The following FBXL17 variants were observed in gnomAD, a reference collection of about 807,000 sequenced individuals.
The protein encoded by FBXL17 is F-box and leucine rich repeat protein 17.
FBXL17 carries 22 observed loss-of-function variants against 66.2 expected under a neutral mutation model. The observed-to-expected ratio is 0.33, with a 90% CI of 0.24 to 0.47. The LOEUF is 0.47. Ranked by LOEUF, FBXL17 falls within the 20% of genes least tolerant of loss-of-function variation. FBXL17 has a pLI of 1.00. For synonymous variants in FBXL17, 474 were observed against 400.5 expected (o/e 1.18, Z -2.19); for missense variants, 878 against 948.2 (o/e 0.93, Z 0.97).
chr5:108,247,759 A>G (rs937294029), intron 4 of FBXL17, among the ~76,000 whole-genome samples: 2 of 152,124 alleles, frequency 1.3e-5, no homozygotes, highest in African/African-American at 4.8e-5. Context: ...CAGGGCTTTT[A>G]GTGGTTTACA....
intron 6 of FBXL17, among the ~76,000 whole-genome samples, chr5:108,032,158 A>G (rs909706184): frequency 1.3e-5 from 2 of 152,200 alleles, no homozygotes; most frequent in Admixed American, 6.6e-5. Flanking sequence ...CCTAAGGTAC[A>G]TTTCTCAGAA....
intron 6 of FBXL17, among the ~76,000 whole-genome samples, chr5:108,099,648 T>G (rs1561409263): frequency 6.6e-6 from 1 of 152,164 alleles, no homozygotes; most frequent in Non-Finnish European, 1.5e-5. Flanking sequence ...TGAATGATAC[T>G]TTCCTTCTGG....
intron 6 of FBXL17, among the ~76,000 whole-genome samples, chr5:108,032,989 C>T (rs181088918): frequency 1.5e-3 from 226 of 152,210 alleles, no homozygotes; most frequent in Middle Eastern, 0.01. Flanking sequence ...ACTTAGAGAA[C>T]GCTACCATAT....
intron 6 of FBXL17, among the ~76,000 whole-genome samples, chr5:108,063,991 G>GT (rs1428589104): frequency 6.6e-6 from 1 of 151,972 alleles, no homozygotes; most frequent in East Asian, 1.9e-4. Flanking sequence ...GCTTTTTATA[G>GT]TTTTAATTAT....
chr5:108,274,804 A>C (rs995526017), intron 4 of FBXL17, among the ~76,000 whole-genome samples: 1 of 152,200 alleles, frequency 6.6e-6, no homozygotes, highest in East Asian at 1.9e-4. Flanking sequence ...TGGTCCCTCC[A>C]TTTGGGGTCC....
In FBXL17 at chr5:108,008,583, T is replaced by C. The variant is rs181340981; in HGVS notation, c.1822+12342A>G. 1.3e-4 allele frequency among the ~76,000 whole-genome samples: 20 copies of C among 152,346 alleles called. No individual in the cohort carries two copies. The East Asian group carries it at 3.9e-3, about 29-fold the overall frequency. ...CATATATAGGTATGCTACTATAATA[T>C]AAATGTGTGTAATAATATGTATTAT... On this transcript the variant is annotated intron_variant, in intron 7 of 8. Coordinates refer to ENST00000542267, the MANE Select transcript of FBXL17 (RefSeq NM_001163315.3).
intron 3 of FBXL17, among the ~76,000 whole-genome samples, chr5:108,360,699 T>C (rs937914318): frequency 1.3e-5 from 2 of 152,100 alleles, no homozygotes; most frequent in Non-Finnish European, 2.9e-5. Flanking sequence ...CTCCTTTCCT[T>C]CTGGAATTAG....
chr5:107,881,650 G>C (rs746559313), intron 7 of FBXL17, among the ~76,000 whole-genome samples: 24 of 152,102 alleles, frequency 1.6e-4, no homozygotes, highest in Non-Finnish European at 2.9e-4. Flanking sequence ...ATCTGTTCAT[G>C]ACCTGTAAAA....
At chr5:107,936,636 G>A (rs1011698309) in intron 7 of FBXL17, among the ~76,000 whole-genome samples, 1 of 152,108 alleles carries the variant, frequency 6.6e-6, no homozygotes, top group Non-Finnish European at 1.5e-5. Flanking sequence ...GTGAAGACTG[G>A]AGATGTGCTA....
chr5:107,911,191 A>G (rs1252576089), intron 7 of FBXL17, among the ~76,000 whole-genome samples: 1 of 152,130 alleles, frequency 6.6e-6, no homozygotes, highest in East Asian at 1.9e-4. Flanking sequence ...TGATGTCAAA[A>G]TAGACAACTA....
chr5:107,927,591 CATA>C (rs1222257976), intron 7 of FBXL17, among the ~76,000 whole-genome samples: 3 of 152,048 alleles, frequency 2.0e-5, no homozygotes, highest in African/African-American at 7.2e-5. Context: ...ACTATGAACA[CATA>C]ATGATTCTCT....
chr5:108,188,015 G>A (rs1323660183), intron 5 of FBXL17, among the ~76,000 whole-genome samples: 1 of 152,052 alleles, frequency 6.6e-6, no homozygotes, highest in Non-Finnish European at 1.5e-5. Context: ...GTGTGACAGG[G>A]GACCTGAACT....
At chr5:108,276,977 TCA>T (rs1188065781) in intron 4 of FBXL17, among the ~76,000 whole-genome samples, 1 of 152,088 alleles carries the variant, frequency 6.6e-6, no homozygotes, top group Non-Finnish European at 1.5e-5. Flanking sequence ...AGATTGTACT[TCA>T]GACATCTTTA....
chr5:108,298,013 C>G (rs1190322096), intron 4 of FBXL17: 2 of 984,484 alleles, frequency 2.0e-6, no homozygotes, highest in Non-Finnish European at 2.4e-6. Flanking sequence ...CTACAGTCAC[C>G]AAAAGCAATG....
Position 108,381,850 on chromosome 5 carries a change from G to T in FBXL17, c.-159C>A. On this transcript the variant is annotated 5_prime_UTR_variant, in exon 1 of 9. Coordinates refer to ENST00000542267, the MANE Select transcript of FBXL17 (RefSeq NM_001163315.3). ...CACGGGCACACACGCGACGGTGGGG[G>T]GTGGGCGTCAGCTGCGGGCCGCCGG... 7.7e-7 allele frequency: 1 copy of T among 1,297,352 alleles called. No homozygotes were observed. The highest frequency in any genetic ancestry group is 9.8e-7 in the Non-Finnish European group (1 of 1,023,326). The allele number at this position is 1,297,352 out of a possible 1,614,324, so 80.4% of individuals were successfully genotyped here.
At chr5:108,061,753 T>A (rs1013601989) in intron 6 of FBXL17, among the ~76,000 whole-genome samples, 2 of 152,106 alleles carry the variant, frequency 1.3e-5, no homozygotes, top group Admixed American at 1.3e-4. Context: ...TAAACTGATA[T>A]CTAGGTCCAA....
intron 6 of FBXL17, among the ~76,000 whole-genome samples, chr5:108,037,729 T>C (rs916204084): frequency 3.9e-5 from 6 of 152,144 alleles, no homozygotes; most frequent in Non-Finnish European, 7.4e-5. Context: ...CCTCAAAGGG[T>C]TTTTGTAAGA....
At chr5:108,289,632 G>A (rs180820190) in intron 4 of FBXL17, among the ~76,000 whole-genome samples, 1 of 152,254 alleles carries the variant, frequency 6.6e-6, no homozygotes, top group East Asian at 1.9e-4. Flanking sequence ...GAGGGAAGCA[G>A]AGAGGAAACA....
intron 6 of FBXL17, among the ~76,000 whole-genome samples, chr5:108,136,313 G>A (rs1289065717): frequency 6.6e-6 from 1 of 151,958 alleles, no homozygotes; most frequent in Non-Finnish European, 1.5e-5. Context: ...CACAAAAAAG[G>A]AAAATGGCAA....
Sources: gnomAD v4.1 joint callset for allele counts (sites outside exome capture counted in the v4.1 genomes callset) on GRCh38, gnomAD v4.1.1 for gene constraint, MANE v1.5 for transcripts, NCBI Gene and HGNC (gene_info 2026-07-23, HGNC 2026-07-21) for gene names.